DMGDH: variants seen among roughly 807,000 people sequenced by gnomAD.
DMGDH encodes the protein dimethylglycine dehydrogenase, mitochondrial.
A neutral mutation model predicts 95.2 loss-of-function variants in DMGDH; 76 were observed. That is an observed-to-expected ratio of 0.80 (90% confidence interval 0.66 to 0.97). The LOEUF is 0.97. Ranked by LOEUF, DMGDH falls within the 50% of genes least tolerant of loss-of-function variation. The pLI is 0.00. For synonymous variants in DMGDH, 345 were observed against 377.6 expected, an observed-to-expected ratio of 0.91 and a Z score of 1.00; for missense variants, 987 against 1,055.0, an observed-to-expected ratio of 0.94 and a Z score of 0.89.
At chr5:79,047,454 C>T (rs969733006) in intron 5 of DMGDH, among the ~76,000 whole-genome samples, 9 of 152,136 alleles carry the variant, frequency 5.9e-5, no homozygotes, top group African/African-American at 1.9e-4. Flanking sequence ...AACCCAATCA[C>T]ATTTCTGATT....
At chr5:79,021,832 T>C (rs1753874634) in intron 14 of DMGDH, among the ~76,000 whole-genome samples, 1 of 152,130 alleles carries the variant, frequency 6.6e-6, no homozygotes, top group African/African-American at 2.4e-5. Context: ...GAAAAGGACT[T>C]TGTGGGGGAA....
At chr5:79,066,960 AT>A (rs1003248797) in intron 1 of DMGDH, among the ~76,000 whole-genome samples, 1 of 152,126 alleles carries the variant, frequency 6.6e-6, no homozygotes, top group African/African-American at 2.4e-5. Context: ...TTCCTATTAT[AT>A]TTAATAGTTG....
chr5:79,027,762 C>T (rs1241302531), intron 12 of DMGDH, among the ~76,000 whole-genome samples: 2 of 152,000 alleles, frequency 1.3e-5, no homozygotes, highest in Non-Finnish European at 2.9e-5. Context: ...GAGATTCTAT[C>T]TCCAGGAGAC....
chr5:78,999,928 T>A lies in DMGDH; in HGVS notation c.2386-1631A>T, dbSNP rs567759193. ...ACACTCCATATTTATTGCTTTATAT[T>A]ATAAGAATTAAAGAAGCAGAGACTA... On this transcript the variant is annotated intron_variant, in intron 15 of 15. Transcript: ENST00000255189. 2.0e-5 allele frequency among the ~76,000 whole-genome samples: 3 copies of A among 152,130 alleles called. No homozygotes were observed. In the East Asian group the frequency reaches 5.8e-4, roughly 29 times the overall value.
At chr5:79,023,292 A>G (rs972266351) in intron 14 of DMGDH, among the ~76,000 whole-genome samples, 4 of 152,146 alleles carry the variant, frequency 2.6e-5, no homozygotes, top group African/African-American at 7.2e-5. Flanking sequence ...CAAATATCCT[A>G]AACAGTAGCC....
chr5:79,043,052 G>GA (rs548072291), intron 6 of DMGDH, among the ~76,000 whole-genome samples: 26 of 152,192 alleles, frequency 1.7e-4, no homozygotes, highest in Non-Finnish European at 3.5e-4. Flanking sequence ...GCAGGGTCTT[G>GA]AAGTGCAATC....
chr5:79,008,822 C>T (rs1297224667), intron 14 of DMGDH, among the ~76,000 whole-genome samples: 1 of 152,080 alleles, frequency 6.6e-6, no homozygotes, highest in Non-Finnish European at 1.5e-5. Flanking sequence ...TAATCAGTAA[C>T]ATTTACAATT....
chr5:79,005,890 T>TTTATTTATTTAAATACCAATAG (rs1428804750), intron 14 of DMGDH, among the ~76,000 whole-genome samples: 14 of 152,278 alleles, frequency 9.2e-5, no homozygotes, highest in Non-Finnish European at 1.8e-4. Flanking sequence ...GTCTCTGGAA[T>TTTATTTATTTAAATACCAATAG]GTATTTACCT....
intron 15 of DMGDH, among the ~76,000 whole-genome samples, chr5:79,003,377 T>G (rs1490575761): frequency 6.6e-6 from 1 of 152,108 alleles, no homozygotes; most frequent in Non-Finnish European, 1.5e-5. Flanking sequence ...ATAAATCATG[T>G]GAATTGTGGG....
intron 14 of DMGDH, among the ~76,000 whole-genome samples, chr5:79,007,678 T>C (rs897682534): frequency 6.6e-6 from 1 of 152,210 alleles, no homozygotes; most frequent in Non-Finnish European, 1.5e-5. Context: ...GTGTGATTTA[T>C]GGAATGCCAG....
intron 4 of DMGDH, among the ~76,000 whole-genome samples, chr5:79,052,114 A>T (rs1046463460): frequency 6.6e-6 from 1 of 152,230 alleles, no homozygotes; most frequent in Admixed American, 6.5e-5. Context: ...TGTTACATTG[A>T]TTAATTTTTA....
intron 14 of DMGDH, chr5:79,020,872 G>A (rs1362791081): frequency 2.0e-6 from 2 of 985,222 alleles, no homozygotes; most frequent in African/African-American, 3.5e-5. Flanking sequence ...AATCTTCGTG[G>A]AGGTTCTCCA....
At chr5:79,044,587 A>C (rs369896094) in intron 5 of DMGDH, 35 bp from the exon 6 acceptor site, 1 of 1,611,396 alleles carries the variant, frequency 6.2e-7, no homozygotes. Flanking sequence ...GTGTCAGCCC[A>C]TATATAAACA....
intron 1 of DMGDH, among the ~76,000 whole-genome samples, chr5:79,064,775 A>G (rs966974742): frequency 1.3e-5 from 2 of 151,748 alleles, no homozygotes; most frequent in African/African-American, 2.4e-5. Flanking sequence ...TCCAAGACAG[A>G]GTATTACTCT....
At chr5:79,004,875 C>T (rs949755782) in intron 15 of DMGDH, among the ~76,000 whole-genome samples, 1 of 152,124 alleles carries the variant, frequency 6.6e-6, no homozygotes, top group African/African-American at 2.4e-5. Context: ...TGTTAATATG[C>T]TAATTGCCTC....
At chr5:79,010,821 T>C (rs909510332) in intron 14 of DMGDH, among the ~76,000 whole-genome samples, 5 of 152,214 alleles carry the variant, frequency 3.3e-5, no homozygotes, top group South Asian at 2.1e-4. Flanking sequence ...GGAATCAGGC[T>C]ACTGTGTCTT....
intron 1 of DMGDH, among the ~76,000 whole-genome samples, chr5:79,066,576 G>C (rs1174258516): frequency 6.6e-6 from 1 of 151,318 alleles, no homozygotes; most frequent in Non-Finnish European, 1.5e-5. Context: ...TTACAGGTGT[G>C]AGCCACCACG....
intron 6 of DMGDH, among the ~76,000 whole-genome samples, chr5:79,044,008 G>A (rs550600903): frequency 4.1e-4 from 63 of 152,300 alleles, no homozygotes; most frequent in African/African-American, 1.3e-3. Context: ...AGGAAAAAAC[G>A]GGGAGGCAGG....
chr5:79,049,256 G>A (rs1464317045), intron 5 of DMGDH, among the ~76,000 whole-genome samples: 1 of 151,206 alleles, frequency 6.6e-6, no homozygotes, highest in African/African-American at 2.5e-5. Context: ...ATTCCTTTTT[G>A]TTACAGTATG....
Sources: allele counts gnomAD v4.1 joint callset (sites outside exome capture counted in the v4.1 genomes callset), GRCh38; gene constraint gnomAD v4.1.1; transcripts MANE v1.5; gene names NCBI Gene and HGNC (gene_info 2026-07-23, HGNC 2026-07-21).